Variants in XKR9 observed in about 807,000 individuals in gnomAD.
XKR9 encodes XK-related protein 9.
In XKR9, 32 loss-of-function variants were observed where a neutral mutation model predicts 32.0. The observed-to-expected ratio is 1.00, with a 90% confidence interval of 0.76 to 1.34. The LOEUF (loss-of-function observed/expected upper bound fraction) is 1.34. Among genes scored for constraint, XKR9 ranks in the 40% most tolerant of loss-of-function variants. XKR9 has a pLI of 0.00. For missense variants in XKR9, 546 were observed against 429.7 expected (o/e 1.27, Z -2.39); for synonymous variants, 168 against 143.4 (o/e 1.17, Z -1.22).
chr8:71,004,998 C>CT, the XKR9 span, among the ~76,000 whole-genome samples: 867 of 48,210 alleles, frequency 0.018, 208 homozygotes, highest in Non-Finnish European at 0.027. Context: ...TTAATCTATG[C>CT]TTTTTTTTTT....
At chr8:71,019,310 A>G in the XKR9 span, among the ~76,000 whole-genome samples, 1 of 152,230 alleles carries the variant, frequency 6.6e-6, no homozygotes, top group African/African-American at 2.4e-5. Context: ...CAAAGCAAGA[A>G]AAAGAGCCTG....
the XKR9 span, among the ~76,000 whole-genome samples, chr8:71,004,066 G>A: frequency 6.6e-6 from 1 of 151,362 alleles, no homozygotes; most frequent in Non-Finnish European, 1.5e-5. Flanking sequence ...CATGGCCCTC[G>A]AAGGAGGGTA....
At chr8:71,033,643 G>A in the XKR9 span, among the ~76,000 whole-genome samples, 1 of 152,040 alleles carries the variant, frequency 6.6e-6, no homozygotes, top group African/African-American at 2.4e-5. Flanking sequence ...TGCTCTCATG[G>A]GAATGGATTA....
At chr8:70,853,969 A>G in the XKR9 span, among the ~76,000 whole-genome samples, 2 of 152,192 alleles carry the variant, frequency 1.3e-5, no homozygotes, top group Non-Finnish European at 2.9e-5. Flanking sequence ...GCTATTGTGA[A>G]TAGTGCCACA....
chr8:70,971,948 T>G, the XKR9 span, among the ~76,000 whole-genome samples: 1 of 152,104 alleles, frequency 6.6e-6, no homozygotes, highest in Non-Finnish European at 1.5e-5. Flanking sequence ...TATGGGCCCT[T>G]TTTTGGTTCC....
the XKR9 span, among the ~76,000 whole-genome samples, chr8:70,831,471 T>C: frequency 6.6e-6 from 1 of 151,020 alleles, no homozygotes; most frequent in Non-Finnish European, 1.5e-5. Context: ...CTAATCCTGT[T>C]GTACTTTTTC....
At chr8:70,974,446 A>G in the XKR9 span, among the ~76,000 whole-genome samples, 7 of 151,794 alleles carry the variant, frequency 4.6e-5, no homozygotes, top group African/African-American at 9.7e-5. Flanking sequence ...CCTGTGTCCA[A>G]GTGTTCTTAT....
At chr8:70,831,539 G>A in the XKR9 span, among the ~76,000 whole-genome samples, 2 of 151,956 alleles carry the variant, frequency 1.3e-5, no homozygotes, top group African/African-American at 2.4e-5. Flanking sequence ...TCTTCTCCAT[G>A]TTACAAACCC....
At chr8:70,958,456 A>G in the XKR9 span, among the ~76,000 whole-genome samples, 1 of 152,116 alleles carries the variant, frequency 6.6e-6, no homozygotes, top group Admixed American at 6.5e-5. Context: ...ATGATCAGTG[A>G]TGTTGATCTT....
the XKR9 span, among the ~76,000 whole-genome samples, chr8:70,854,327 T>C: frequency 6.6e-6 from 1 of 152,342 alleles, no homozygotes; most frequent in Non-Finnish European, 1.5e-5. Flanking sequence ...AATGTCTTCT[T>C]TGAGAAGTGT....
chr8:70,858,887 C>A, the XKR9 span, among the ~76,000 whole-genome samples: 1 of 151,934 alleles, frequency 6.6e-6, no homozygotes, highest in African/African-American at 2.4e-5. Flanking sequence ...ATCTAAGACT[C>A]AGAACTATGA....
chr8:70,953,974 G>C, the XKR9 span, among the ~76,000 whole-genome samples: 11 of 152,116 alleles, frequency 7.2e-5, no homozygotes, highest in Non-Finnish European at 1.3e-4. Context: ...TTGGCTGGAG[G>C]CCATTCTTTA....
At chr8:70,776,581 C>A (rs1478274362) in intron 2 of XKR9, among the ~76,000 whole-genome samples, 1 of 151,976 alleles carries the variant, frequency 6.6e-6, no homozygotes, top group African/African-American at 2.4e-5. Context: ...TGCCTGTTCT[C>A]CTCTGAGCTC....
the XKR9 span, among the ~76,000 whole-genome samples, chr8:70,811,748 T>G: frequency 6.6e-6 from 1 of 152,164 alleles, no homozygotes; most frequent in Non-Finnish European, 1.5e-5. Flanking sequence ...CAGGAAGAAG[T>G]TGAATCTCAG....
the XKR9 span, among the ~76,000 whole-genome samples, chr8:70,871,484 T>G: frequency 1.3e-5 from 2 of 152,224 alleles, no homozygotes; most frequent in African/African-American, 4.8e-5. Flanking sequence ...TCAAACTTTT[T>G]CATTATTATA....
chr8:70,892,115 C>T, the XKR9 span, among the ~76,000 whole-genome samples: 1 of 152,078 alleles, frequency 6.6e-6, no homozygotes, highest in Non-Finnish European at 1.5e-5. Context: ...ATATCTTTTT[C>T]CATCCCTTTA....
chr8:70,825,417 T>C, the XKR9 span, among the ~76,000 whole-genome samples: 1 of 152,124 alleles, frequency 6.6e-6, no homozygotes. Flanking sequence ...TTATACAATA[T>C]TTTGAACACA....
chr8:70,811,796 T>C, the XKR9 span, among the ~76,000 whole-genome samples: 1 of 151,996 alleles, frequency 6.6e-6, no homozygotes, highest in Non-Finnish European at 1.5e-5. Flanking sequence ...GTGGCAATAA[T>C]CAATAGCTTA....
chr8:71,023,699 G>A, the XKR9 span, among the ~76,000 whole-genome samples: 9 of 152,112 alleles, frequency 5.9e-5, no homozygotes, highest in Non-Finnish European at 2.9e-5. Context: ...TAGTGGTTGT[G>A]GGACATCCCT....
Sources: allele counts gnomAD v4.1 joint callset (sites outside exome capture counted in the v4.1 genomes callset), GRCh38; gene constraint gnomAD v4.1.1; transcripts MANE v1.5; gene names NCBI Gene and HGNC (gene_info 2026-07-23, HGNC 2026-07-21).